Variants in KCNQ2 observed in about 807,000 individuals in gnomAD.
KCNQ2 encodes potassium voltage-gated channel subfamily KQT member 2.
A neutral mutation model predicts 84.8 loss-of-function variants in KCNQ2; 14 were observed. That is an observed-to-expected ratio of 0.17 (90% CI 0.11 to 0.26). The LOEUF is 0.26. Among genes scored for constraint, KCNQ2 ranks in the 10% least tolerant of loss-of-function variants. KCNQ2 has a pLI of 1.00. For missense variants in KCNQ2, 788 were observed against 1,254.0 expected (o/e 0.63, Z 5.61); for synonymous variants, 599 against 554.1 (o/e 1.08, Z -1.14).
chr20:63,411,081 G>C, intron 15 of KCNQ2: 1 of 439,576 alleles, frequency 2.3e-6, no homozygotes, highest in Non-Finnish European at 4.5e-6. Context: ...CGGGGCTCTC[G>C]CCAGCTCCCT....
At chr20:63,415,696 C>G (rs1481029481) in intron 12 of KCNQ2, among the ~76,000 whole-genome samples, 1 of 152,158 alleles carries the variant, frequency 6.6e-6, no homozygotes, top group Admixed American at 6.5e-5. Context: ...CGGAGCCTTC[C>G]TCACACTGTC....
At chr20:63,442,348 G>C in intron 5 of KCNQ2, 58 bp downstream of exon 5, 1 of 1,612,890 alleles carries the variant, frequency 6.2e-7, no homozygotes, top group Non-Finnish European at 8.5e-7. Context: ...CCTGGTCCCA[G>C]CACAGGGACA....
chr20:63,442,692 TCACCACCATCACCATCAC>T (rs2081211469), intron 4 of KCNQ2, among the ~76,000 whole-genome samples, 161 bp from the exon 5 acceptor site: 2 of 50,126 alleles, frequency 4.0e-5, no homozygotes, highest in Middle Eastern at 9.1e-3. Flanking sequence ...ACCATCACCA[TCACCACCATCACCATCAC>T]CACCACCACC....
At chr20:63,467,614 T>C (rs1462971103) in intron 1 of KCNQ2, among the ~76,000 whole-genome samples, 1 of 152,224 alleles carries the variant, frequency 6.6e-6, no homozygotes, top group Non-Finnish European at 1.5e-5. Context: ...ACAGGGGCCA[T>C]GGACGTGTCA....
At chr20:63,411,936 G>A (rs1568871901) in intron 15 of KCNQ2, 4 of 703,690 alleles carry the variant, frequency 5.7e-6, no homozygotes, top group Non-Finnish European at 1.1e-5. Context: ...TAAAGCCACA[G>A]GAAATGAGGA....
At chr20:63,433,977 G>T in intron 7 of KCNQ2, 74 bp from the exon 8 acceptor site, 1 of 1,368,070 alleles carries the variant, frequency 7.3e-7, no homozygotes, top group Non-Finnish European at 1.0e-6. Flanking sequence ...CGGGCGTGGA[G>T]GGAACGGGGC....
At chr20:63,448,898 C>T (rs2081519102) in intron 1 of KCNQ2, among the ~76,000 whole-genome samples, 1 of 152,178 alleles carries the variant, frequency 6.6e-6, no homozygotes, top group African/African-American at 2.4e-5. Context: ...CATCACAGCA[C>T]CTGTCTAGAC....
intron 1 of KCNQ2, among the ~76,000 whole-genome samples, chr20:63,455,778 C>T (rs1369531810): frequency 1.3e-5 from 2 of 151,288 alleles, no homozygotes; most frequent in East Asian, 1.9e-4. Flanking sequence ...CCCCCACCTC[C>T]GGGAGACCCC....
chr20:63,469,277 C>T (rs2082152114), intron 1 of KCNQ2, among the ~76,000 whole-genome samples: 1 of 152,232 alleles, frequency 6.6e-6, no homozygotes, highest in African/African-American at 2.4e-5. Context: ...GGAGAGGTGG[C>T]CCAGCACCCC....
At chr20:63,463,516 C>A (rs908960535) in intron 1 of KCNQ2, among the ~76,000 whole-genome samples, 1 of 152,186 alleles carries the variant, frequency 6.6e-6, no homozygotes, top group African/African-American at 2.4e-5. Flanking sequence ...CAGCTTAGAA[C>A]CCTGCACCCG....
At chr20:63,424,419 G>A (rs2080568770) in intron 10 of KCNQ2, 1 of 600,666 alleles carries the variant, frequency 1.7e-6, no homozygotes, top group East Asian at 2.8e-5. Flanking sequence ...GCAGCTCCGA[G>A]AGGGAAGAGG....
chr20:63,452,451 G>A (rs549463071), intron 1 of KCNQ2, among the ~76,000 whole-genome samples: 36 of 152,370 alleles, frequency 2.4e-4, no homozygotes, highest in African/African-American at 8.4e-4. Flanking sequence ...CCACGGCAGA[G>A]GGTCACTAGC....
Position 63,472,600 on chromosome 20 carries a change from T to C in KCNQ2, c.-137A>G, listed in dbSNP as rs2082245605. The C allele has an allele frequency of 4.4e-6, 3 of 676,076 alleles. No homozygotes were observed. The highest frequency in any genetic ancestry group is 5.8e-6 in the Non-Finnish European group (3 of 521,068). The allele number at this position is 676,076 out of a possible 1,614,324, so 41.9% of individuals were successfully genotyped here. A position where few individuals can be genotyped will look rare whatever the true frequency, so the allele number is the denominator to read the frequency against. On this transcript the variant is annotated 5_prime_UTR_variant, in exon 1 of 17. Transcript: ENST00000359125. ...CGGCGGTTCCGCACTCCTGCCGGGC[T>C]TGGGCCGCGCGCGGAGACGCTGCGG... is the stretch of plus-strand genomic sequence containing the variant.
At position 63,438,805 on chromosome 20, in the gene KCNQ2, A is replaced by C. The variant is rs1450153425; in HGVS notation, c.928-85T>G. On this transcript the variant is annotated intron_variant, in intron 6 of 16. Coordinates refer to ENST00000359125, the MANE Select transcript of KCNQ2 (RefSeq NM_172107.4). The surrounding 1 kb of genome is among the most constrained non-coding windows in gnomAD (Gnocchi z 5.1). ...GTCAGACCATGCTCTGGGGCCCCACACCCCCCCCAATTCATCAGGGTCAGA... is the reference window on the plus strand; with the variant it reads ...GTCAGACCATGCTCTGGGGCCCCACCCCCCCCCCAATTCATCAGGGTCAGA... 1.8e-4 allele frequency: 161 copies of C among 900,774 alleles called. No individual in the cohort carries two copies. Among genetic ancestry groups the C allele is most frequent in the African/African-American group, 7.4e-4 (33 of 44,586 alleles). 55.8% of individuals were successfully genotyped at this position (900,774 alleles called of 1,614,324 possible).
At chr20:63,471,245 G>A (rs2082206514) in intron 1 of KCNQ2, 1 of 152,322 alleles carries the variant, frequency 6.6e-6, no homozygotes, top group African/African-American at 2.4e-5. Flanking sequence ...CAAGCGCCCT[G>A]GCGCGGGGAG....
chr20:63,423,336 T>C (rs1351498458), intron 11 of KCNQ2, among the ~76,000 whole-genome samples: 1 of 152,074 alleles, frequency 6.6e-6, no homozygotes, highest in South Asian at 2.1e-4. Context: ...CAGGCGTCCA[T>C]CTCGGACCCC....
At chr20:63,469,012 G>A (rs778917567) in intron 1 of KCNQ2, among the ~76,000 whole-genome samples, 20 of 152,264 alleles carry the variant, frequency 1.3e-4, no homozygotes, top group Non-Finnish European at 2.5e-4. Context: ...AGCGGGAACA[G>A]AGCGGAGCTC....
In KCNQ2 at chr20:63,446,900, C is replaced by T; in HGVS notation, c.297-63G>A. On this transcript the variant is annotated intron_variant, in intron 1 of 16. Transcript: ENST00000359125. The surrounding 1 kb of genome is among the most constrained non-coding windows in gnomAD (Gnocchi z 5.5). ...GCAGGGCAGCAGCATGGCTGTGTCTCCAGAACTCAGGACCCCACTCCCCAC... is the reference window on the plus strand; with the variant it reads ...GCAGGGCAGCAGCATGGCTGTGTCTTCAGAACTCAGGACCCCACTCCCCAC... 1 of 1,451,828 alleles carries T rather than the reference C, an allele frequency of 6.9e-7. No homozygotes were observed. The highest frequency in any genetic ancestry group is 1.4e-5 in the African/African-American group (1 of 71,606). 89.9% of individuals were successfully genotyped at this position (1,451,828 alleles called of 1,614,324 possible).
intron 1 of KCNQ2, among the ~76,000 whole-genome samples, chr20:63,469,185 G>C (rs1692974284): frequency 6.6e-6 from 1 of 152,180 alleles, no homozygotes; most frequent in South Asian, 2.1e-4. Context: ...ATCTGGCCCA[G>C]AGTCCCCTGC....
Sources: gnomAD v4.1 joint callset for allele counts (sites outside exome capture counted in the v4.1 genomes callset) on GRCh38, gnomAD v4.1.1 for gene constraint, Gnocchi (gnomAD v3.1) non-coding constraint, MANE v1.5 for transcripts, NCBI Gene and HGNC (gene_info 2026-07-23, HGNC 2026-07-21) for gene names.